The following PCED1B variants were observed in gnomAD, a reference collection of about 807,000 sequenced individuals.
PCED1B encodes PC-esterase domain containing 1B.
For missense variants in PCED1B, 573 were observed against 573.9 expected, an observed-to-expected ratio of 1.00 and a Z score of 0.02; for synonymous variants, 251 against 246.1, an observed-to-expected ratio of 1.02 and a Z score of -0.19.
intron 1 of PCED1B, among the ~76,000 whole-genome samples, chr12:47,090,663 G>T (rs779602330): frequency 6.6e-6 from 1 of 152,066 alleles, no homozygotes; most frequent in Non-Finnish European, 1.5e-5. Flanking sequence ...ACATAGATTA[G>T]CTCACCTGTT....
Position 47,205,722 on chromosome 12 carries a change from AG to A in PCED1B, c.-525-10499del, listed in dbSNP as rs35337928. ...AGGAAAGAAAGAGAGGGAAAGAGGG[AG>A]AAGAGGAGGGAGGAAAAGAGGGAGA... On this transcript the variant is annotated intron_variant, in intron 2 of 3. Coordinates refer to ENST00000546455, the MANE Select transcript of PCED1B (RefSeq NM_138371.3). Among the ~76,000 whole-genome samples the A allele has an allele frequency of 3.9e-3, 586 of 151,044 alleles. 2 individuals carry two copies. Among genetic ancestry groups the A allele is most frequent in the Non-Finnish European group, 5.9e-3 (399 of 67,676 alleles).
chr12:47,235,004 T>C lies in PCED1B; in HGVS notation c.-57-3T>C, dbSNP rs1162912124. ...TCCCAGCCCTTCTCTCCTTCTGTCC[T>C]AGCCATCCGCAGAGCCATCCTGTGC... is the stretch of plus-strand genomic sequence containing the variant. On this transcript the variant is annotated splice_polypyrimidine_tract_variant and splice_region_variant and intron_variant, in intron 3 of 3. Transcript: ENST00000546455. The C allele has an allele frequency of 5.5e-6, 8 of 1,458,034 alleles. No homozygotes were observed. The highest frequency in any genetic ancestry group is 7.4e-6 in the Non-Finnish European group (8 of 1,086,868). The allele number at this position is 1,458,034 out of a possible 1,614,324, so 90.3% of individuals were successfully genotyped here.
intron 1 of PCED1B, among the ~76,000 whole-genome samples, chr12:47,094,930 T>C (rs1219940505): frequency 6.7e-6 from 1 of 149,782 alleles, no homozygotes; most frequent in East Asian, 2.0e-4. Flanking sequence ...TTGAGGCAGG[T>C]GTCTCACGTT....
chr12:47,080,937 G>C (rs528238212), intron 1 of PCED1B, among the ~76,000 whole-genome samples: 6 of 152,244 alleles, frequency 3.9e-5, no homozygotes, highest in African/African-American at 1.4e-4. Flanking sequence ...GCGTGTGCGC[G>C]GAGGCTCTTC....
At chr12:47,172,959 A>T (rs1880600) in intron 2 of PCED1B, among the ~76,000 whole-genome samples, 1 of 151,988 alleles carries the variant, frequency 6.6e-6, no homozygotes, top group Admixed American at 6.6e-5. Flanking sequence ...TGTGAGGGCC[A>T]TTTTTTGAGA....
At chr12:47,209,960 C>G (rs1426929937) in intron 2 of PCED1B, 1 of 152,170 alleles carries the variant, frequency 6.6e-6, no homozygotes, top group Non-Finnish European at 1.5e-5. Context: ...GAGAAGTAGA[C>G]TGATCAGAGA....
At chr12:47,120,721 G>C (rs12813703) in intron 2 of PCED1B, among the ~76,000 whole-genome samples, 9,589 of 152,200 alleles carry the variant, frequency 0.063, 412 homozygotes, top group Middle Eastern at 0.14. Flanking sequence ...AGAATCACTT[G>C]AACCCGGGAG....
intron 2 of PCED1B, among the ~76,000 whole-genome samples, chr12:47,194,943 T>G (rs1315215082): frequency 6.6e-6 from 1 of 152,234 alleles, no homozygotes; most frequent in Non-Finnish European, 1.5e-5. Context: ...TTATTAGTAT[T>G]ATATATTTAA....
intron 2 of PCED1B, among the ~76,000 whole-genome samples, chr12:47,198,602 A>G (rs1942676087): frequency 6.6e-6 from 1 of 152,132 alleles, no homozygotes; most frequent in Non-Finnish European, 1.5e-5. Flanking sequence ...CAAAAAAAAA[A>G]GCAAGGTAAA....
intron 2 of PCED1B, among the ~76,000 whole-genome samples, chr12:47,126,172 G>A (rs999862365): frequency 2.0e-5 from 3 of 151,920 alleles, no homozygotes; most frequent in African/African-American, 7.2e-5. Context: ...TTTTTTTTCA[G>A]GTTGAGGACT....
chr12:47,179,342 T>C (rs911269139), intron 2 of PCED1B, among the ~76,000 whole-genome samples: 3 of 152,340 alleles, frequency 2.0e-5, no homozygotes, highest in Admixed American at 2.0e-4. Context: ...CTGGACATAC[T>C]AGCTGAGGGG....
At chr12:47,157,765 A>C (rs1005229587) in intron 2 of PCED1B, among the ~76,000 whole-genome samples, 2 of 152,148 alleles carry the variant, frequency 1.3e-5, no homozygotes, top group African/African-American at 4.8e-5. Flanking sequence ...TAATCTTGTA[A>C]AACTGAAACT....
rs536483395 is a variant in PCED1B at position 47,167,855 on chromosome 12, C to T, written c.-525-48367C>T. On this transcript the variant is annotated intron_variant, in intron 2 of 3. Transcript: ENST00000546455. ...AAGAGCACCTCCAGAGTAAAACTCT[C>T]GAGCAGTACCTGGGCAGGCCAACAT... Among the ~76,000 whole-genome samples the T allele has an allele frequency of 2.6e-4, 39 of 152,284 alleles. No homozygotes were observed. The Middle Eastern group carries it at 0.01, about 40-fold the overall frequency.
intron 3 of PCED1B, among the ~76,000 whole-genome samples, chr12:47,219,094 T>C (rs892210525): frequency 1.3e-5 from 2 of 152,060 alleles, no homozygotes; most frequent in Non-Finnish European, 2.9e-5. Flanking sequence ...CGAGCCAAGA[T>C]TGCACCACTG....
intron 2 of PCED1B, among the ~76,000 whole-genome samples, chr12:47,149,288 G>A (rs903621543): frequency 1.3e-5 from 2 of 152,044 alleles, no homozygotes; most frequent in African/African-American, 2.4e-5. Context: ...AGTTATCCCC[G>A]CTTCATTGTG....
chr12:47,159,381 C>T (rs1941297804), intron 2 of PCED1B, among the ~76,000 whole-genome samples: 1 of 152,006 alleles, frequency 6.6e-6, no homozygotes, highest in African/African-American at 2.4e-5. Flanking sequence ...ATAAGAGTTC[C>T]CTTTTCTCTT....
At chr12:47,174,600 C>G (rs1386402739) in intron 2 of PCED1B, among the ~76,000 whole-genome samples, 1 of 152,188 alleles carries the variant, frequency 6.6e-6, no homozygotes, top group Non-Finnish European at 1.5e-5. Context: ...TCCTCTTGCT[C>G]TTAGCGCCTC....
At chr12:47,212,312 G>A (rs1218735678) in intron 2 of PCED1B, among the ~76,000 whole-genome samples, 2 of 152,010 alleles carry the variant, frequency 1.3e-5, no homozygotes, top group East Asian at 1.9e-4. Context: ...AGAGAGGACC[G>A]GAATTGGAAA....
intron 1 of PCED1B, among the ~76,000 whole-genome samples, chr12:47,089,019 G>A (rs1164770040): frequency 6.6e-6 from 1 of 152,154 alleles, no homozygotes; most frequent in Admixed American, 6.5e-5. Flanking sequence ...GTACCTGGGT[G>A]CAAGATAGGC....
Sources: gnomAD v4.1 joint callset for allele counts (sites outside exome capture counted in the v4.1 genomes callset) on GRCh38, gnomAD v4.1.1 for gene constraint, MANE v1.5 for transcripts, NCBI Gene and HGNC (gene_info 2026-07-23, HGNC 2026-07-21) for gene names.